The following ZNF143 variants were observed in gnomAD, a reference collection of about 807,000 sequenced individuals.
ZNF143 encodes the protein zinc finger protein 143, also known as SPH-binding factor.
Under a neutral mutation model 74.1 loss-of-function variants are expected in ZNF143, and 49 were observed. The observed-to-expected ratio is 0.66, with a 90% CI of 0.53 to 0.84. The LOEUF (loss-of-function observed/expected upper bound fraction) is 0.84, where lower values mean the gene tolerates loss of function less well. Among genes scored for constraint, ZNF143 ranks in the 40% least tolerant of loss-of-function variants. The pLI is 0.00. For missense variants in ZNF143, 637 were observed against 793.4 expected, an observed-to-expected ratio of 0.80 and a Z score of 2.37; for synonymous variants, 304 against 282.8, an observed-to-expected ratio of 1.07 and a Z score of -0.75.
At chr11:9,520,808 G>T (rs560634322) in intron 14 of ZNF143, among the ~76,000 whole-genome samples, 12 of 152,140 alleles carry the variant, frequency 7.9e-5, no homozygotes, top group African/African-American at 2.4e-4. Context: ...AAATAAAAAA[G>T]AATTCTGTTT....
At chr11:9,507,919 C>T (rs533133216) in intron 11 of ZNF143, among the ~76,000 whole-genome samples, 7 of 152,220 alleles carry the variant, frequency 4.6e-5, no homozygotes, top group African/African-American at 1.7e-4. Context: ...ATAGTTGAAG[C>T]TGGATGATTG....
chr11:9,492,105 A>ATTTT (rs34432476), intron 7 of ZNF143, among the ~76,000 whole-genome samples: 31 of 100,236 alleles, frequency 3.1e-4, no homozygotes, highest in Non-Finnish European at 4.9e-4. Flanking sequence ...CACCTGGCTA[A>ATTTT]TTTTTTTTTT....
chr11:9,495,742 G>A (rs537339789), intron 8 of ZNF143, among the ~76,000 whole-genome samples: 12 of 152,312 alleles, frequency 7.9e-5, no homozygotes, highest in Admixed American at 3.3e-4. Context: ...TACCTTACAC[G>A]TAAAGTACTA....
intron 7 of ZNF143, among the ~76,000 whole-genome samples, chr11:9,490,213 TGGAAGTA>T (rs1565042641): frequency 2.0e-5 from 3 of 148,992 alleles, no homozygotes; most frequent in Admixed American, 1.4e-4. Flanking sequence ...AAATACTGAA[TGGAAGTA>T]GACCAAGAAG....
intron 11 of ZNF143, among the ~76,000 whole-genome samples, chr11:9,504,169 C>G (rs1167490102): frequency 1.3e-5 from 2 of 151,820 alleles, no homozygotes; most frequent in Non-Finnish European, 2.9e-5. Context: ...CCATGTTGGC[C>G]AGGCTAGTCT....
Position 9,482,314 on chromosome 11 carries a change from A to G in ZNF143, c.645+2768A>G, listed in dbSNP as rs902437044. Among the ~76,000 whole-genome samples the G allele has an allele frequency of 3.5e-5, 5 of 142,344 alleles. No homozygotes were observed. The Admixed American group carries it at 3.7e-4, about 10-fold the overall frequency. The allele number at this position is 142,344 out of a possible 152,430, so 93.4% of individuals were successfully genotyped here. A position where few individuals can be genotyped will look rare whatever the true frequency, so the allele number is the denominator to read the frequency against. On this transcript the variant is annotated intron_variant, in intron 7 of 15. Transcript: ENST00000396602. ...AAGACGGTGTCTCGCTCTGTCGCCC[A>G]GGCTGGAGTGCAGTGGCTCGATCTC... is the stretch of plus-strand genomic sequence containing the variant.
chr11:9,469,053 G>C (rs1856412657), intron 1 of ZNF143, among the ~76,000 whole-genome samples: 1 of 151,524 alleles, frequency 6.6e-6, no homozygotes, highest in Non-Finnish European at 1.5e-5. Context: ...AGAATCACTT[G>C]AACCTGGGAG....
intron 3 of ZNF143, 37 bp downstream of exon 3, chr11:9,472,806 G>C: frequency 6.8e-7 from 1 of 1,470,056 alleles, no homozygotes. Context: ...GTTAATACCA[G>C]TGATTTATAA....
At chr11:9,513,621 C>T (rs929603185) in intron 13 of ZNF143, among the ~76,000 whole-genome samples, 15 of 152,246 alleles carry the variant, frequency 9.9e-5, no homozygotes, top group Admixed American at 3.9e-4. Context: ...TGGGTCCAGG[C>T]GCGGAGGCTT....
In ZNF143 at chr11:9,479,546, G is replaced by T. The variant is rs772535563; in HGVS notation, c.645G>T (p.Gln215His). 6.2e-7 allele frequency: 1 copy of T among 1,610,956 alleles called. No individual in the cohort carries two copies. The highest frequency in any genetic ancestry group is 1.1e-5 in the South Asian group (1 of 90,850). ...IGENEQEKKM[Q>H]IVLQGHATRV... is the part of the protein sequence containing the mutation. The stretch of plus-strand genomic sequence containing the variant: ...AAAATGAGCAAGAGAAAAAAATGCA[G>T]GTATGTAAAGCTACTTTTTAATATA... The change falls in exon 7 of 16, where the codon CAG (glutamine) becomes CAT (histidine). Residue 215 changes from glutamine (Q) to histidine (H), a missense_variant and splice_region_variant. Around this residue, in one of 2 missense-constraint regions of ZNF143, gnomAD observed 293 missense variants for 307.8 expected, o/e 0.95. Coordinates refer to ENST00000396602, the MANE Select transcript of ZNF143 (RefSeq NM_003442.6).
intron 7 of ZNF143, among the ~76,000 whole-genome samples, chr11:9,485,411 A>G (rs906148363): frequency 4.9e-5 from 7 of 142,370 alleles, no homozygotes; most frequent in African/African-American, 1.4e-4. Flanking sequence ...ACAGTGGCAC[A>G]ATCTTGGCTC....
intron 8 of ZNF143, among the ~76,000 whole-genome samples, chr11:9,495,373 A>G (rs528366732): frequency 1.3e-5 from 2 of 152,326 alleles, no homozygotes; most frequent in African/African-American, 4.8e-5. Context: ...CCCGGGAGGC[A>G]GAGGTTGCAG....
At chr11:9,518,709 C>G (rs1289876731) in intron 14 of ZNF143, among the ~76,000 whole-genome samples, 1 of 147,694 alleles carries the variant, frequency 6.8e-6, no homozygotes, top group Non-Finnish European at 1.5e-5. Flanking sequence ...AAGAGTGAGA[C>G]TCCGTCTTAA....
intron 5 of ZNF143, among the ~76,000 whole-genome samples, chr11:9,474,938 A>G (rs1590515468): frequency 6.6e-6 from 1 of 151,964 alleles, no homozygotes; most frequent in East Asian, 1.9e-4. Flanking sequence ...GCCAGGCTGG[A>G]TTGTGGTGGC....
intron 8 of ZNF143, 117 bp downstream of exon 8, chr11:9,494,882 G>A (rs1024282042): frequency 2.2e-5 from 24 of 1,113,636 alleles, no homozygotes; most frequent in African/African-American, 3.2e-5. Context: ...CAAGATACTG[G>A]CACTTGGTCA....
chr11:9,482,276 CTT>C (rs1211978029), intron 7 of ZNF143, among the ~76,000 whole-genome samples: 4 of 93,366 alleles, frequency 4.3e-5, no homozygotes, highest in African/African-American at 1.3e-4. Flanking sequence ...GGCCCCAACT[CTT>C]TTTTTTTTTT....
intron 13 of ZNF143, among the ~76,000 whole-genome samples, chr11:9,515,109 CAA>C (rs1182899403): frequency 1.3e-5 from 2 of 151,918 alleles, no homozygotes; most frequent in Non-Finnish European, 2.9e-5. Flanking sequence ...GCCTGGGCAA[CAA>C]GAGTGAAACT....
chr11:9,526,848 G>A (rs986580413), intron 15 of ZNF143, among the ~76,000 whole-genome samples: 16 of 152,074 alleles, frequency 1.1e-4, no homozygotes, highest in Non-Finnish European at 1.3e-4. Flanking sequence ...TTTTTGAGAC[G>A]GAGTCTCGCT....
intron 7 of ZNF143, among the ~76,000 whole-genome samples, chr11:9,492,105 ATTT>A (rs34432476): frequency 3.0e-5 from 3 of 100,234 alleles, no homozygotes; most frequent in Admixed American, 1.2e-4. Flanking sequence ...CACCTGGCTA[ATTT>A]TTTTTTTTTT....
Sources: allele counts gnomAD v4.1 joint callset (sites outside exome capture counted in the v4.1 genomes callset), GRCh38; gene constraint gnomAD v4.1.1; regional missense constraint gnomAD v4.1.1; transcripts MANE v1.5; gene names NCBI Gene and HGNC (gene_info 2026-07-23, HGNC 2026-07-21).